The following NRG4 variants were observed in gnomAD, a reference collection of about 807,000 sequenced individuals.
NRG4 encodes neuregulin 4, also known as pro-neuregulin-4, membrane-bound isoform.
A neutral mutation model predicts 15.0 loss-of-function variants in NRG4; 10 were observed. The ratio of observed to expected loss-of-function variants is 0.67; its 90% confidence interval spans 0.41 to 1.13. NRG4 has a LOEUF of 1.13. Among genes scored for constraint, NRG4 ranks in the 50% most tolerant of loss-of-function variants. The probability of loss-of-function intolerance (pLI) is 0.00; values close to 1 mark genes in which losing one functional copy is unlikely to be tolerated. For synonymous variants in NRG4, 41 were observed against 50.1 expected (o/e 0.82, Z 0.77); for missense variants, 139 against 140.2 (o/e 0.99, Z 0.04).
rs527594278 is a variant in NRG4, at chr15:75,977,112, C to A, written c.105-15138G>T. Among the ~76,000 whole-genome samples, 1 of 152,328 alleles carries A rather than the reference C, an allele frequency of 6.6e-6. No individual in the cohort carries two copies. Among genetic ancestry groups the A allele is most frequent in the Non-Finnish European group, 1.5e-5 (1 of 68,020 alleles). ...GCTCTGCCCTGTCCAAACTTCCCAG[C>A]AGTTTTGTTTACACTATGAGGGGAA... On this transcript the variant is annotated intron_variant, in intron 3 of 5. Coordinates refer to ENST00000394907, the MANE Select transcript of NRG4 (RefSeq NM_138573.4). This position sits in a 1 kb window ranked among gnomAD's most constrained non-coding sequence, Gnocchi z 4.9.
intron 5 of NRG4, among the ~76,000 whole-genome samples, chr15:75,954,686 A>G (rs966320215): frequency 1.3e-5 from 2 of 152,048 alleles, no homozygotes; most frequent in Middle Eastern, 3.4e-3. Flanking sequence ...CAGCCTCCCA[A>G]AGTGTTGGGA....
intron 3 of NRG4, among the ~76,000 whole-genome samples, chr15:76,002,571 T>C (rs2034452248): frequency 6.6e-6 from 1 of 152,144 alleles, no homozygotes; most frequent in African/African-American, 2.4e-5. Flanking sequence ...GGATTGAATT[T>C]TTAAAAAACC....
At chr15:75,973,861 T>C (rs1008780200) in intron 3 of NRG4, among the ~76,000 whole-genome samples, 1 of 152,208 alleles carries the variant, frequency 6.6e-6, no homozygotes, top group Admixed American at 6.5e-5. Flanking sequence ...GGTTTTGGTA[T>C]CAAGATGATG....
intron 3 of NRG4, among the ~76,000 whole-genome samples, chr15:75,970,491 T>C (rs527358657): frequency 1.3e-5 from 2 of 152,352 alleles, no homozygotes; most frequent in South Asian, 2.1e-4. Flanking sequence ...AGCTGGGCCT[T>C]GGCCTAGGCA....
chr15:75,973,113 A>G (rs1465912752), intron 3 of NRG4, among the ~76,000 whole-genome samples: 1 of 151,878 alleles, frequency 6.6e-6, no homozygotes, highest in Non-Finnish European at 1.5e-5. Context: ...ATTCCTAGGT[A>G]TTTTATTCTC....
intron 3 of NRG4, chr15:75,971,117 C>A: frequency 2.9e-6 from 1 of 340,460 alleles, no homozygotes; most frequent in South Asian, 2.4e-5. Context: ...CTGTGGATAC[C>A]GACTAGTTTC....
intron 5 of NRG4, among the ~76,000 whole-genome samples, chr15:75,946,936 TTATC>T (rs1363637169): frequency 6.6e-6 from 1 of 152,216 alleles, no homozygotes; most frequent in Non-Finnish European, 1.5e-5. Flanking sequence ...ATACCACATT[TTATC>T]TATTCATCCA....
intron 3 of NRG4, among the ~76,000 whole-genome samples, chr15:76,006,306 T>G (rs766461874): frequency 2.0e-5 from 3 of 152,146 alleles, no homozygotes; most frequent in African/African-American, 7.2e-5. Flanking sequence ...GAAAACAGTA[T>G]GAAGTGGGAT....
intron 3 of NRG4, among the ~76,000 whole-genome samples, chr15:75,991,792 G>A (rs973245444): frequency 6.6e-6 from 1 of 151,928 alleles, no homozygotes; most frequent in Non-Finnish European, 1.5e-5. Context: ...ATGTCTTCCT[G>A]ATGACTCCCT....
At chr15:76,019,457 G>T (rs2141924927) in intron 5 of NRG4, among the ~76,000 whole-genome samples, 1 of 152,296 alleles carries the variant, frequency 6.6e-6, no homozygotes, top group African/African-American at 2.4e-5. Flanking sequence ...CAGCTACTCA[G>T]TTTTGTGCTT....
rs1251879502 is a variant in NRG4 at position 75,953,273 on chromosome 15, T to C, written c.331+2659A>G. 2.0e-5 allele frequency among the ~76,000 whole-genome samples: 3 copies of C among 152,332 alleles called. No individual in the cohort carries two copies. In the East Asian group the frequency reaches 5.8e-4, roughly 29 times the overall value. ...TTCCAGCACCATTTGTTGAAAAGAC[T>C]ATTATTACCCCCCACTGAATTGTCT... On this transcript the variant is annotated intron_variant, in intron 5 of 5. Coordinates refer to ENST00000394907, the MANE Select transcript of NRG4 (RefSeq NM_138573.4).
intron 3 of NRG4, among the ~76,000 whole-genome samples, chr15:75,974,187 T>G (rs958365794): frequency 2.6e-5 from 4 of 152,236 alleles, no homozygotes; most frequent in African/African-American, 9.6e-5. Context: ...GATGTTAGTT[T>G]GTATTTCTGT....
chr15:76,027,235 G>C (rs2035339732), intron 5 of NRG4, among the ~76,000 whole-genome samples: 1 of 151,982 alleles, frequency 6.6e-6, no homozygotes, highest in South Asian at 2.1e-4. Context: ...GATGGAAAAA[G>C]ACATTCCATA....
intron 3 of NRG4, among the ~76,000 whole-genome samples, chr15:75,998,025 C>T (rs1304740068): frequency 4.6e-5 from 7 of 152,214 alleles, no homozygotes; most frequent in African/African-American, 1.7e-4. Flanking sequence ...CAAAGTTTGA[C>T]TTGGGTTTCA....
At chr15:76,026,886 G>T (rs374984326) in intron 5 of NRG4, among the ~76,000 whole-genome samples, 152 of 152,278 alleles carry the variant, frequency 1.0e-3, no homozygotes, top group African/African-American at 3.5e-3. Flanking sequence ...ACTTTGTGAG[G>T]CCAAGGTGGG....
At chr15:75,954,553 C>T (rs1354495782) in intron 5 of NRG4, among the ~76,000 whole-genome samples, 2 of 151,654 alleles carry the variant, frequency 1.3e-5, no homozygotes, top group African/African-American at 4.8e-5. Context: ...CCTCAGCCTC[C>T]CGAGTAGCTG....
At chr15:76,032,250 AAGTCTTACAATATTGTT>A (rs2035491499) in intron 5 of NRG4, among the ~76,000 whole-genome samples, 1 of 152,202 alleles carries the variant, frequency 6.6e-6, no homozygotes, top group South Asian at 2.1e-4. Flanking sequence ...CTGACTTTGC[AAGTCTTACAATATTGTT>A]AGTTTTTGTG....
chr15:75,969,406 A>G (rs74024035), intron 3 of NRG4, among the ~76,000 whole-genome samples: 6,030 of 152,324 alleles, frequency 0.04, 218 homozygotes, highest in African/African-American at 0.094. Context: ...TTGGAAGCAA[A>G]TGCATAATTT....
intron 5 of NRG4, among the ~76,000 whole-genome samples, chr15:76,035,642 C>A (rs2035581709): frequency 6.6e-6 from 1 of 152,098 alleles, no homozygotes; most frequent in Admixed American, 6.6e-5. Context: ...CTCAAGCAAA[C>A]CCATCCTACT....
Sources: allele counts gnomAD v4.1 joint callset (sites outside exome capture counted in the v4.1 genomes callset), GRCh38; gene constraint gnomAD v4.1.1; non-coding constraint Gnocchi (gnomAD v3.1); transcripts MANE v1.5; gene names NCBI Gene and HGNC (gene_info 2026-07-23, HGNC 2026-07-21).